The following CXADR variants were observed in gnomAD, a reference collection of about 807,000 sequenced individuals.
CXADR encodes the protein CXADR cell adhesion molecule.
Under a neutral mutation model 40.3 loss-of-function variants are expected in CXADR, and 20 were observed. The ratio of observed to expected loss-of-function variants is 0.50; its 90% CI spans 0.35 to 0.72. CXADR has a LOEUF of 0.72. CXADR is among the 30% of genes least tolerant of loss of function. The pLI is 0.01. For missense variants in CXADR, 332 were observed against 449.1 expected (o/e 0.74, Z 2.36); for synonymous variants, 150 against 161.3 (o/e 0.93, Z 0.53).
At chr21:17,534,043 T>TACAC (rs2060715310) in intron 1 of CXADR, among the ~76,000 whole-genome samples, 1 of 139,106 alleles carries the variant, frequency 7.2e-6, no homozygotes, top group African/African-American at 2.7e-5. Flanking sequence ...TATATATATA[T>TACAC]ATACACATAT....
In CXADR at chr21:17,551,923, G is replaced by T; in HGVS notation, c.385G>T (p.Ala129Ser). 1 of 1,613,788 alleles carries T rather than the reference G, an allele frequency of 6.2e-7. No homozygotes were observed. Residue 129 changes from alanine (A) to serine (S), a missense_variant, in exon 3 of 7, where the codon GCA becomes TCA. Physicochemically the swap from Ala to Ser is moderately conservative, Grantham distance 99. This residue lies in a region of CXADR where 162 missense variants were observed against 198.5 expected (regional missense o/e 0.82). Coordinates refer to ENST00000284878, the MANE Select transcript of CXADR (RefSeq NM_001338.5). The part of the protein sequence containing the change: ...QCKVKKAPGV[A>S]NKKIHLVVLV... ...CAAAGTGAAAAAAGCTCCTGGTGTT[G>T]CAAATAAGAAGATTCATCTGGTAGT...
chr21:17,610,849 T>C, the CXADR span, among the ~76,000 whole-genome samples: 1 of 152,242 alleles, frequency 6.6e-6, no homozygotes, highest in Non-Finnish European at 1.5e-5. Context: ...CAAACTGCTC[T>C]TTCAGTCTCT....
downstream of CXADR, chr21:17,594,465 T>G (rs2824387): frequency 5.8e-3 from 6,126 of 1,061,336 alleles, 344 homozygotes; most frequent in East Asian, 0.12. Flanking sequence ...TATTGTCAGG[T>G]CTAAATACAT....
chr21:17,539,760 T>C (rs1229674855), intron 1 of CXADR, among the ~76,000 whole-genome samples: 1 of 152,232 alleles, frequency 6.6e-6, no homozygotes, highest in African/African-American at 2.4e-5. Flanking sequence ...CGTGTCTTTA[T>C]TGGCTAATGG....
rs887793703 is a variant in CXADR, at chr21:17,568,590, A to G, written c.*2898A>G. The stretch of plus-strand genomic sequence containing the variant: ...TTTTTTTTTTAAGAGATAGGGTTTC[A>G]CTATTGCTCAGGCTGGTCTCAAACT... On this transcript the variant is annotated 3_prime_UTR_variant, in exon 7 of 7. Coordinates refer to ENST00000284878, the MANE Select transcript of CXADR (RefSeq NM_001338.5). 20 of 969,124 alleles carry G rather than the reference A, an allele frequency of 2.1e-5. No homozygotes were observed. The African/African-American group carries it at 3.8e-4, about 18-fold the overall frequency. The allele number at this position is 969,124 out of a possible 1,614,324, so 60.0% of individuals were successfully genotyped here. A position where few individuals can be genotyped will look rare whatever the true frequency, so the allele number is the denominator to read the frequency against.
intron 7 of CXADR, among the ~76,000 whole-genome samples, chr21:17,579,656 G>A (rs964265394): frequency 6.6e-6 from 1 of 152,194 alleles, no homozygotes; most frequent in Non-Finnish European, 1.5e-5. Context: ...GGCAGGGTAA[G>A]AAGACAGAAA....
At chr21:17,560,096 T>C (rs929534878) in intron 4 of CXADR, among the ~76,000 whole-genome samples, 9 of 152,056 alleles carry the variant, frequency 5.9e-5, no homozygotes, top group Admixed American at 6.6e-5. Context: ...CCATGGTGTG[T>C]CTGTAAATTA....
At chr21:17,607,787 C>T in the CXADR span, among the ~76,000 whole-genome samples, 1 of 152,168 alleles carries the variant, frequency 6.6e-6, no homozygotes, top group Non-Finnish European at 1.5e-5. Context: ...TTTTATTTCT[C>T]GTGGCCACAT....
intron 1 of CXADR, among the ~76,000 whole-genome samples, chr21:17,535,458 C>T (rs1041695473): frequency 6.6e-6 from 1 of 151,964 alleles, no homozygotes; most frequent in Non-Finnish European, 1.5e-5. Flanking sequence ...TCAGCGCCTC[C>T]GAAAGTGCTG....
intron 4 of CXADR, 70 bp from the exon 5 acceptor site, chr21:17,560,632 A>G (rs546136943): frequency 2.0e-5 from 29 of 1,475,042 alleles, no homozygotes; most frequent in African/African-American, 4.2e-5. Flanking sequence ...GGAGAGGACT[A>G]TGTTTACTAA....
At chr21:17,570,220 A>G (rs1304331789), downstream of CXADR, 73 of 977,712 alleles carry the variant, frequency 7.5e-5, no homozygotes, top group Non-Finnish European at 8.3e-5. Context: ...TCCTCTAAAC[A>G]GAAAGAATAA....
At chr21:17,552,108 A>G (rs539953485) in intron 3 of CXADR, among the ~76,000 whole-genome samples, 155 bp downstream of exon 3, 125 of 152,342 alleles carry the variant, frequency 8.2e-4, no homozygotes, top group Non-Finnish European at 1.4e-3. Context: ...CATCAAATAT[A>G]AAACTAGCTT....
the CXADR span, among the ~76,000 whole-genome samples, chr21:17,635,367 A>G: frequency 6.6e-6 from 1 of 152,220 alleles, no homozygotes; most frequent in South Asian, 2.1e-4. Context: ...TCTTCTATAT[A>G]GTAGGATGTT....
chr21:17,562,752 T>G (rs1420896872), intron 6 of CXADR, among the ~76,000 whole-genome samples: 1 of 152,258 alleles, frequency 6.6e-6, no homozygotes, highest in African/African-American at 2.4e-5. Flanking sequence ...TTCTGTAGCT[T>G]CTTCATCAGC....
chr21:17,606,918 T>C, the CXADR span, among the ~76,000 whole-genome samples: 3 of 152,196 alleles, frequency 2.0e-5, no homozygotes, highest in African/African-American at 7.2e-5. Context: ...AATATTTTTA[T>C]AGATCTTGAT....
chr21:17,612,509 C>T, the CXADR span: 3 of 150,782 alleles, frequency 2.0e-5, no homozygotes, highest in Non-Finnish European at 4.4e-5. Context: ...GGGCCGCCCT[C>T]GCGGCCCGCA....
At chr21:17,589,026 G>A (rs556926331) in intron 7 of CXADR, among the ~76,000 whole-genome samples, 1 of 151,324 alleles carries the variant, frequency 6.6e-6, no homozygotes, top group African/African-American at 2.4e-5. Context: ...TTTATTTCCA[G>A]GTATTTAATA....
downstream of CXADR, among the ~76,000 whole-genome samples, chr21:17,596,225 C>T (rs1243068331): frequency 1.3e-5 from 2 of 151,800 alleles, no homozygotes; most frequent in African/African-American, 4.8e-5. Context: ...AATATTTTGT[C>T]CTAGTCTATG....
chr21:17,565,617 T>C lies in CXADR; in HGVS notation c.1023T>C (p.Ala341=), dbSNP rs2061196283. Residue 341 remains alanine, a synonymous_variant, in exon 7 of 7, where the codon GCT becomes GCC. Transcript: ENST00000284878. ...QSPTLPPAKV[A]APNLSRMGAI... ...CGACTCTCCCACCTGCTAAGGTAGCTGCCCCTAATCTAAGTCGAATGGGTG... is the reference window on the plus strand; with the variant it reads ...CGACTCTCCCACCTGCTAAGGTAGCCGCCCCTAATCTAAGTCGAATGGGTG... 6.2e-7 allele frequency: 1 copy of C among 1,612,706 alleles called. No individual in the cohort carries two copies. The highest frequency in any genetic ancestry group is 1.3e-5 in the African/African-American group (1 of 74,992).
Sources: allele counts gnomAD v4.1 joint callset (sites outside exome capture counted in the v4.1 genomes callset), GRCh38; gene constraint gnomAD v4.1.1; regional missense constraint gnomAD v4.1.1; transcripts MANE v1.5; gene names NCBI Gene and HGNC (gene_info 2026-07-23, HGNC 2026-07-21).